Variants in KCNB2 observed in about 807,000 individuals in gnomAD.
KCNB2 encodes the protein delayed rectifier potassium channel protein.
KCNB2 carries 15 observed loss-of-function variants against 61.5 expected under a neutral mutation model. The observed-to-expected ratio is 0.24, with a 90% CI of 0.16 to 0.38. The LOEUF (loss-of-function observed/expected upper bound fraction) is 0.38. KCNB2 is among the 10% of genes least tolerant of loss of function. The pLI is 1.00. For synonymous variants in KCNB2, 457 were observed against 446.0 expected, an observed-to-expected ratio of 1.02 and a Z score of -0.31; for missense variants, 828 against 1,125.2, an observed-to-expected ratio of 0.74 and a Z score of 3.78.
chr8:72,849,144 C>A lies in KCNB2; in HGVS notation c.580-86791C>A, dbSNP rs545770777. Among the ~76,000 whole-genome samples the A allele has an allele frequency of 5.9e-4, 89 of 151,124 alleles. 3 individuals are homozygous for A. Among genetic ancestry groups the A allele is most frequent in the African/African-American group, 1.9e-3 (77 of 41,140 alleles). ...CCACAAAAAGAGGTTTTTCCATCAT[C>A]AGCCTTGTAATTTTTTTTATTTTAC... is the stretch of plus-strand genomic sequence containing the variant. On this transcript the variant is annotated intron_variant, in intron 2 of 2. Transcript: ENST00000523207.
chr8:72,791,477 A>G (rs1808942154), intron 2 of KCNB2, among the ~76,000 whole-genome samples: 1 of 152,186 alleles, frequency 6.6e-6, no homozygotes, highest in African/African-American at 2.4e-5. Context: ...TGAGCCTAAT[A>G]GATCAAGGCT....
intron 2 of KCNB2, among the ~76,000 whole-genome samples, chr8:72,730,931 T>C (rs13253033): frequency 0.41 from 63,086 of 152,026 alleles, 14,996 homozygotes; most frequent in Non-Finnish European, 0.56. Context: ...TGTTCTCCTC[T>C]ACAAAAGCAG....
At chr8:72,634,915 T>G (rs1361901919) in intron 2 of KCNB2, among the ~76,000 whole-genome samples, 1 of 152,210 alleles carries the variant, frequency 6.6e-6, no homozygotes. Flanking sequence ...TTCCCTCCTC[T>G]GCATCTCATT....
At chr8:72,906,806 AG>A (rs1806185696) in intron 2 of KCNB2, among the ~76,000 whole-genome samples, 1 of 152,174 alleles carries the variant, frequency 6.6e-6, no homozygotes, top group Non-Finnish European at 1.5e-5. Flanking sequence ...CTGTCCTTGT[AG>A]GACGCACTGG....
At chr8:72,825,311 G>A (rs1384254730) in intron 2 of KCNB2, among the ~76,000 whole-genome samples, 1 of 152,182 alleles carries the variant, frequency 6.6e-6, no homozygotes, top group African/African-American at 2.4e-5. Flanking sequence ...TGGCATTTGG[G>A]TTGCTTTCAC....
intron 2 of KCNB2, among the ~76,000 whole-genome samples, chr8:72,705,742 A>C (rs758539010): frequency 7.9e-5 from 12 of 152,216 alleles, no homozygotes; most frequent in Non-Finnish European, 1.8e-4. Context: ...GGATCTTAAG[A>C]GACACCAGAG....
chr8:72,805,176 T>TCATTGC (rs1809198718), intron 2 of KCNB2, among the ~76,000 whole-genome samples: 1 of 152,120 alleles, frequency 6.6e-6, no homozygotes, highest in East Asian at 1.9e-4. Flanking sequence ...CACACTGTTA[T>TCATTGC]CATTGCCATT....
At chr8:72,839,424 A>G (rs933600731) in intron 2 of KCNB2, among the ~76,000 whole-genome samples, 7 of 152,150 alleles carry the variant, frequency 4.6e-5, no homozygotes, top group African/African-American at 1.4e-4. Flanking sequence ...AGAAAGATGA[A>G]TAAGACACCA....
chr8:72,615,902 G>T (rs192857364), intron 2 of KCNB2, among the ~76,000 whole-genome samples: 1 of 152,290 alleles, frequency 6.6e-6, no homozygotes, highest in Admixed American at 6.5e-5. Context: ...AACTTGCTTT[G>T]ATAAGTTTTG....
intron 2 of KCNB2, among the ~76,000 whole-genome samples, chr8:72,706,400 T>TA (rs1379786392): frequency 1.3e-5 from 2 of 152,090 alleles, no homozygotes; most frequent in African/African-American, 2.4e-5. Flanking sequence ...TTTTAAAAAG[T>TA]AAAAAAATAT....
At chr8:72,676,361 T>C (rs1806653189) in intron 2 of KCNB2, among the ~76,000 whole-genome samples, 1 of 151,978 alleles carries the variant, frequency 6.6e-6, no homozygotes, top group African/African-American at 2.4e-5. Flanking sequence ...CCACGTGCAG[T>C]ATTTCTTCTC....
intron 2 of KCNB2, among the ~76,000 whole-genome samples, chr8:72,768,016 T>G (rs35627661): frequency 0.025 from 3,756 of 152,344 alleles, 77 homozygotes; most frequent in South Asian, 0.038. Flanking sequence ...TATATTTCCT[T>G]TGGAGAAAAG....
intron 2 of KCNB2, among the ~76,000 whole-genome samples, chr8:72,743,181 G>A (rs564803911): frequency 1.3e-5 from 2 of 152,330 alleles, no homozygotes; most frequent in South Asian, 4.1e-4. Context: ...TGAGGACCTT[G>A]AATTGCAGCT....
chr8:72,931,207 A>G (rs1806776447), intron 2 of KCNB2, among the ~76,000 whole-genome samples: 1 of 152,140 alleles, frequency 6.6e-6, no homozygotes, highest in South Asian at 2.1e-4. Flanking sequence ...GTAGTCTTGT[A>G]GTATAGTTTG....
At chr8:72,806,984 G>A (rs1231424960) in intron 2 of KCNB2, among the ~76,000 whole-genome samples, 1 of 152,100 alleles carries the variant, frequency 6.6e-6, no homozygotes, top group Non-Finnish European at 1.5e-5. Context: ...CACCCCCTTT[G>A]GGGCAGATAC....
intron 2 of KCNB2, among the ~76,000 whole-genome samples, chr8:72,850,359 A>G (rs949880231): frequency 2.0e-5 from 3 of 152,006 alleles, no homozygotes; most frequent in African/African-American, 4.8e-5. Context: ...AACTGGAACC[A>G]CAGGTGCCTG....
chr8:72,801,081 C>G (rs1295942290), intron 2 of KCNB2, among the ~76,000 whole-genome samples: 1 of 152,152 alleles, frequency 6.6e-6, no homozygotes, highest in African/African-American at 2.4e-5. Context: ...TTTCTGCCCC[C>G]TACCCCCACT....
chr8:72,725,510 CATATATATATATATAT>C (rs774224955), intron 2 of KCNB2, among the ~76,000 whole-genome samples: 1 of 58,928 alleles, frequency 1.7e-5, no homozygotes, highest in Non-Finnish European at 3.5e-5. Context: ...TCTTTGTCTT[CATATATATATATATAT>C]ATATATATAT....
At chr8:72,673,386 T>C (rs1806598079) in intron 2 of KCNB2, among the ~76,000 whole-genome samples, 1 of 152,222 alleles carries the variant, frequency 6.6e-6, no homozygotes, top group Admixed American at 6.5e-5. Flanking sequence ...CTTCCCCCTT[T>C]GATGAGCACT....
Sources: gnomAD v4.1 joint callset for allele counts (sites outside exome capture counted in the v4.1 genomes callset) on GRCh38, gnomAD v4.1.1 for gene constraint, MANE v1.5 for transcripts, NCBI Gene and HGNC (gene_info 2026-07-23, HGNC 2026-07-21) for gene names.